TXNDC16: variants seen among roughly 807,000 people sequenced by gnomAD.
The protein encoded by TXNDC16 is thioredoxin domain-containing protein 16.
In TXNDC16, 74 loss-of-function variants were observed where a neutral mutation model predicts 85.6. The observed-to-expected ratio is 0.86, with a 90% confidence interval of 0.72 to 1.05. The LOEUF (loss-of-function observed/expected upper bound fraction) is 1.05, where lower values mean the gene tolerates loss of function less well. TXNDC16 is among the 50% of genes least tolerant of loss of function. The pLI is 0.00. For missense variants in TXNDC16, 959 were observed against 947.0 expected, an observed-to-expected ratio of 1.01 and a Z score of -0.17; for synonymous variants, 335 against 326.5, an observed-to-expected ratio of 1.03 and a Z score of -0.28.
chr14:52,542,453 T>C lies in TXNDC16; in HGVS notation c.161A>G (p.Asp54Gly), dbSNP rs1398757782. 2.5e-6 allele frequency: 4 copies of C among 1,609,052 alleles called. No homozygotes were observed. Among genetic ancestry groups the C allele is most frequent in the Middle Eastern group, 3.3e-4 (2 of 6,036 alleles). Reference protein sequence around the residue: ...KASLAYFCQADSPRTSVFLEE... With the variant: ...KASLAYFCQAGSPRTSVFLEE... ...AAGAAATACAGATGTTCTTGGGGAA[T>C]CTAAAACAACAAATGTTTCATGAAT... The change falls in exon 4 of 21, where the codon GAT becomes GGT. Residue 54 changes from aspartate to glycine, a missense_variant and splice_region_variant. Coordinates refer to ENST00000281741, the MANE Select transcript of TXNDC16 (RefSeq NM_020784.3).
At chr14:52,493,216 T>TATATATATATATATATATA in intron 9 of TXNDC16, among the ~76,000 whole-genome samples, 5 of 115,998 alleles carry the variant, frequency 4.3e-5, no homozygotes, top group African/African-American at 1.8e-4. Context: ...TATATATATA[T>TATATATATATATATATATA]ACACACACAC....
intron 5 of TXNDC16, among the ~76,000 whole-genome samples, 160 bp downstream of exon 5, chr14:52,537,439 T>C (rs10150229): frequency 0.13 from 20,303 of 152,176 alleles, 1,434 homozygotes; most frequent in Non-Finnish European, 0.15. Flanking sequence ...GTTAAAGTAC[T>C]GAGAGGTTAG....
At chr14:52,468,969 G>C (rs186469431) in intron 16 of TXNDC16, among the ~76,000 whole-genome samples, 26 of 151,828 alleles carry the variant, frequency 1.7e-4, no homozygotes, top group African/African-American at 5.8e-4. Context: ...CTCATTATAT[G>C]GTCTAAAATC....
At chr14:52,502,926 T>C (rs1469097609) in intron 9 of TXNDC16, among the ~76,000 whole-genome samples, 2 of 152,204 alleles carry the variant, frequency 1.3e-5, no homozygotes, top group Admixed American at 6.5e-5. Flanking sequence ...AAGGAGATTA[T>C]ATCCCGCGCT....
intron 6 of TXNDC16, among the ~76,000 whole-genome samples, chr14:52,529,940 A>C (rs2037457255): frequency 2.0e-5 from 2 of 100,302 alleles, no homozygotes; most frequent in Admixed American, 3.0e-4. Context: ...TATTATATAT[A>C]TGAATTATAT....
At chr14:52,529,779 A>G (rs1246411014) in intron 6 of TXNDC16, among the ~76,000 whole-genome samples, 1 of 117,092 alleles carries the variant, frequency 8.5e-6, no homozygotes, top group Non-Finnish European at 1.6e-5. Context: ...ATATATACCT[A>G]GTATATATTA....
At chr14:52,496,689 T>C (rs1471342437) in intron 9 of TXNDC16, among the ~76,000 whole-genome samples, 3 of 151,510 alleles carry the variant, frequency 2.0e-5, no homozygotes, top group African/African-American at 7.3e-5. Flanking sequence ...CACTACAGCC[T>C]TGACTTCCCC....
intron 6 of TXNDC16, among the ~76,000 whole-genome samples, chr14:52,520,460 A>T (rs2037184149): frequency 6.6e-6 from 1 of 152,146 alleles, no homozygotes; most frequent in Non-Finnish European, 1.5e-5. Flanking sequence ...AAATAAAAAA[A>T]TTAGCCAGGC....
At chr14:52,469,066 G>A (rs1238743836) in intron 16 of TXNDC16, among the ~76,000 whole-genome samples, 1 of 152,024 alleles carries the variant, frequency 6.6e-6, no homozygotes, top group Non-Finnish European at 1.5e-5. Flanking sequence ...GTTAAATAAG[G>A]CCAGGTGTGG....
rs566518286 is a variant in TXNDC16, at chr14:52,490,918, T to C, written c.844A>G (p.Thr282Ala). ...GCAGTTCTTCTATCAGCTTCATAAG[T>C]AGCCTGTTGGCTAACAATAAAAACC... ...PLVFIVSQQA[T>A]YEADRRTAEW... Residue 282 changes from threonine to alanine, a missense_variant, in exon 10 of 21, where the codon ACT becomes GCT. Coordinates refer to ENST00000281741, the MANE Select transcript of TXNDC16 (RefSeq NM_020784.3). The C allele has an allele frequency of 2.1e-5, 34 of 1,612,662 alleles. No individual in the cohort carries two copies. The highest frequency in any genetic ancestry group is 2.8e-5 in the Non-Finnish European group (33 of 1,179,894).
chr14:52,469,550 C>T (rs1180384326), intron 16 of TXNDC16, among the ~76,000 whole-genome samples: 2 of 151,866 alleles, frequency 1.3e-5, no homozygotes, highest in Non-Finnish European at 2.9e-5. Context: ...GGAGACCATC[C>T]TGGCCAACAT....
intron 9 of TXNDC16, among the ~76,000 whole-genome samples, chr14:52,496,988 G>A (rs978437247): frequency 2.2e-4 from 34 of 151,954 alleles, no homozygotes; most frequent in African/African-American, 8.0e-4. Context: ...TAAAGTCATA[G>A]GGTAGTATCA....
chr14:52,521,169 G>A (rs1448053122), intron 6 of TXNDC16, among the ~76,000 whole-genome samples: 1 of 151,848 alleles, frequency 6.6e-6, no homozygotes, highest in Admixed American at 6.6e-5. Flanking sequence ...CTAGAGTGCA[G>A]TGGCACGATT....
At chr14:52,473,448 T>A (rs2035953180) in intron 14 of TXNDC16, among the ~76,000 whole-genome samples, 2 of 152,182 alleles carry the variant, frequency 1.3e-5, no homozygotes, top group African/African-American at 2.4e-5. Context: ...CCTCAGCATG[T>A]CTACTACTGC....
chr14:52,536,869 T>C, intron 5 of TXNDC16, 76 bp from the exon 6 acceptor site: 1 of 1,235,474 alleles, frequency 8.1e-7, no homozygotes, highest in African/African-American at 1.5e-5. Context: ...TACTTGTCTA[T>C]CAAATACATT....
Position 52,500,226 on chromosome 14 carries a change from T to C in TXNDC16, c.757-9221A>G, listed in dbSNP as rs1056812117. On this transcript the variant is annotated intron_variant, in intron 9 of 20. Transcript: ENST00000281741. ...ACCTAAACGTCTATCAATGGATGAA[T>C]GGATAAATAAAATGCGGTATATACG... 5.3e-5 allele frequency among the ~76,000 whole-genome samples: 8 copies of C among 152,288 alleles called. No individual in the cohort carries two copies. The South Asian group carries it at 1.7e-3, about 32-fold the overall frequency.
chr14:52,433,432 A>T (rs1041377921), intron 20 of TXNDC16, among the ~76,000 whole-genome samples: 3 of 152,214 alleles, frequency 2.0e-5, no homozygotes, highest in African/African-American at 7.2e-5. Flanking sequence ...AAGGAAATGT[A>T]CAAAGTAAAC....
chr14:52,458,819 C>T (rs2035591855), intron 16 of TXNDC16, among the ~76,000 whole-genome samples: 1 of 152,154 alleles, frequency 6.6e-6, no homozygotes, highest in Non-Finnish European at 1.5e-5. Flanking sequence ...ATAATTTCCT[C>T]ATACAAAAGA....
intron 12 of TXNDC16, among the ~76,000 whole-genome samples, chr14:52,487,415 C>T (rs953082474): frequency 6.6e-6 from 1 of 151,924 alleles, no homozygotes; most frequent in Non-Finnish European, 1.5e-5. Flanking sequence ...CATAATGGTA[C>T]TATATAAAAC....
Sources: gnomAD v4.1 joint callset for allele counts (sites outside exome capture counted in the v4.1 genomes callset) on GRCh38, gnomAD v4.1.1 for gene constraint, MANE v1.5 for transcripts, NCBI Gene and HGNC (gene_info 2026-07-23, HGNC 2026-07-21) for gene names.